Variants in SPTBN5 observed in about 807,000 individuals in gnomAD.
SPTBN5 encodes spectrin beta, non-erythrocytic 5.
A neutral mutation model predicts 477.6 loss-of-function variants in SPTBN5; 513 were observed. That is an observed-to-expected ratio of 1.07 (90% CI 1.00 to 1.16). The LOEUF (loss-of-function observed/expected upper bound fraction) is 1.16, where lower values mean the gene tolerates loss of function less well. Among genes scored for constraint, SPTBN5 ranks in the 50% most tolerant of loss-of-function variants. The pLI is 0.00. For synonymous variants in SPTBN5, 2,169 were observed against 2,011.7 expected (o/e 1.08, Z -2.09); for missense variants, 5,062 against 4,731.8 (o/e 1.07, Z -2.05).
intron 29 of SPTBN5, 69 bp from the exon 30 acceptor site, chr15:41,870,629 G>A: frequency 7.5e-7 from 1 of 1,326,566 alleles, no homozygotes; most frequent in South Asian, 1.2e-5. Flanking sequence ...CCTCCCGCTA[G>A]GTCTGGTCAG....
At position 41,878,536 on chromosome 15, in the gene SPTBN5, G is replaced by A. The variant is rs1286995724; in HGVS notation, c.3276C>T (p.Ala1092=). The A allele has an allele frequency of 1.2e-6, 2 of 1,612,788 alleles. No individual in the cohort carries two copies. Among genetic ancestry groups the A allele is most frequent in the Admixed American group, 3.3e-5 (2 of 59,936 alleles). ...TCTCAGCCTGGCGCCGGGCCCGTTG[G>A]GCCACTTGTTCCTGTACTTGCTTCA... ...GLLKQVQEQV[A]QRARRQAETQ... is the part of the protein sequence containing the mutation. The change falls in exon 17 of 68, where the codon GCC becomes GCT. Residue 1092 remains alanine (A), a synonymous_variant. Coordinates refer to ENST00000320955, the MANE Select transcript of SPTBN5 (RefSeq NM_016642.4).
rs756251862 is a variant in SPTBN5 at position 41,852,727 on chromosome 15, C to CAA, written c.10355_10356insTT (p.Ser3453CysfsTer14). The CAA allele has an allele frequency of 6.2e-7, 1 of 1,611,770 alleles. No homozygotes were observed. The highest frequency in any genetic ancestry group is 1.1e-5 in the South Asian group (1 of 90,996). On this transcript the variant is annotated frameshift_variant, in exon 61 of 68. Coordinates refer to ENST00000320955, the MANE Select transcript of SPTBN5 (RefSeq NM_016642.4). LOFTEE classifies it high-confidence loss of function. ...TGTGCAGCAGCAACTCCACATCTGA[C>CAA]ACTGAGTGCTGGGGAGAAGCATGTT...
rs890503 is a variant in SPTBN5, at chr15:41,858,690, G to A, written c.8138C>T (p.Thr2713Ile). 468,797 of 1,608,570 alleles carry A rather than the reference G, an allele frequency of 0.29. 71,204 individuals carry two copies. Among genetic ancestry groups the A allele is most frequent in the Middle Eastern group, 0.42 (2,521 of 6,056 alleles). ...CTGTAACTGTGCTGGCAGCATGGCT[G>A]TGTCCAGCAAACCCTCCTCCAAGGC... ...LVALEEGLLD[T>I]AMLPAQLQKQ... Residue 2713 changes from threonine (T) to isoleucine (I), a missense_variant, in exon 49 of 68, where the codon ACA (threonine) becomes ATA (isoleucine). Coordinates refer to ENST00000320955, the MANE Select transcript of SPTBN5 (RefSeq NM_016642.4).
chr15:41,874,356 T>C lies in SPTBN5; in HGVS notation c.4625A>G (p.His1542Arg), dbSNP rs1313328677. 2 of 1,613,758 alleles carry C rather than the reference T, an allele frequency of 1.2e-6. No homozygotes were observed. Among genetic ancestry groups the C allele is most frequent in the Non-Finnish European group, 1.7e-6 (2 of 1,179,880 alleles). The change falls in exon 24 of 68, where the codon CAT becomes CGT. Residue 1542 changes from histidine (H) to arginine (R), a missense_variant. Physicochemically the swap from His to Arg is conservative, Grantham distance 29. Coordinates refer to ENST00000320955, the MANE Select transcript of SPTBN5 (RefSeq NM_016642.4). ...CTCGGTATAGCTGGTGGGGCTGCCA[T>C]GGGGCATGTGCTCGGCTACCCAAGA... The part of the protein sequence containing the change: ...ELSWVAEHMP[H>R]GSPTSYTECL...
chr15:41,856,116 T>G (rs886563514), intron 53 of SPTBN5, among the ~76,000 whole-genome samples: 1 of 152,256 alleles, frequency 6.6e-6, no homozygotes, highest in Non-Finnish European at 1.5e-5. Context: ...TGTGAAGTAA[T>G]TGAGGTATAA....
Position 41,862,669 on chromosome 15 carries a change from G to A in SPTBN5, c.7264-9C>T, listed in dbSNP as rs753014764. Reference sequence around the variant, plus strand: ...ACTTCACGCTCTAGGGACTGCGGGGGAAGCCGGGGTCAGAGGCTGGGGCAG... The same window carrying A: ...ACTTCACGCTCTAGGGACTGCGGGGAAAGCCGGGGTCAGAGGCTGGGGCAG... On this transcript the variant is annotated splice_polypyrimidine_tract_variant and intron_variant, in intron 42 of 67. Coordinates refer to ENST00000320955, the MANE Select transcript of SPTBN5 (RefSeq NM_016642.4). The A allele has an allele frequency of 3.9e-6, 6 of 1,548,452 alleles. No individual in the cohort carries two copies. In the Admixed American group the frequency reaches 7.7e-5, roughly 20 times the overall value.
chr15:41,856,825 G>C (rs935356117), intron 52 of SPTBN5, 28 bp downstream of exon 52: 1 of 1,529,890 alleles, frequency 6.5e-7, no homozygotes, highest in African/African-American at 1.4e-5. Context: ...TCATGTGCGA[G>C]GCCAGCCCTC....
chr15:41,864,826 C>G (rs1045222495), intron 39 of SPTBN5, among the ~76,000 whole-genome samples: 2 of 152,246 alleles, frequency 1.3e-5, no homozygotes, highest in Admixed American at 1.3e-4. Context: ...GATCTCCTGC[C>G]TCTGGCTTCT....
At chr15:41,852,082 T>C in intron 62 of SPTBN5, 100 bp downstream of exon 62, 2 of 1,437,044 alleles carry the variant, frequency 1.4e-6, no homozygotes, top group South Asian at 2.8e-5. Flanking sequence ...CTCCCAGCAC[T>C]GGCTCCAGGG....
At chr15:41,852,505 G>T (rs1289329885) in intron 61 of SPTBN5, 129 bp downstream of exon 61, 4 of 1,308,340 alleles carry the variant, frequency 3.1e-6, no homozygotes, top group Non-Finnish European at 4.4e-6. Flanking sequence ...CACCACCGCA[G>T]CTGGCCAGGG....
chr15:41,873,419 G>A, intron 26 of SPTBN5, 73 bp downstream of exon 26: 2 of 1,144,420 alleles, frequency 1.7e-6, no homozygotes, highest in South Asian at 2.8e-5. Flanking sequence ...CTGAGAGAGG[G>A]AGGGTGACAG....
chr15:41,891,735 T>A (rs1200956749), intron 3 of SPTBN5, among the ~76,000 whole-genome samples: 1 of 152,166 alleles, frequency 6.6e-6, no homozygotes, highest in Non-Finnish European at 1.5e-5. Context: ...AGCGCCTGCA[T>A]AGAATGCCCA....
Position 41,867,581 on chromosome 15 carries a change from T to C in SPTBN5, c.6269A>G (p.Lys2090Arg). 6.2e-7 allele frequency: 1 copy of C among 1,613,874 alleles called. No homozygotes were observed. Among genetic ancestry groups the C allele is most frequent in the African/African-American group, 1.3e-5 (1 of 75,058 alleles). The change falls in exon 35 of 68, where the codon AAG (lysine) becomes AGG (arginine). Residue 2090 changes from lysine (K) to arginine (R), a missense_variant. Transcript: ENST00000320955. ...SVEEVEQLIR[K>R]HEVFLKVLTA... is the part of the protein sequence containing the mutation. ...CAGAACCTTCAGGAAGACCTCGTGC[T>C]TGCGAATCAACTGCTCTACCTCTTC...
In SPTBN5 at chr15:41,871,420, C is replaced by A; in HGVS notation, c.5402G>T (p.Gly1801Val). 6.5e-7 allele frequency: 1 copy of A among 1,542,078 alleles called. No homozygotes were observed. Among genetic ancestry groups the A allele is most frequent in the Non-Finnish European group, 8.7e-7 (1 of 1,142,962 alleles). ...ACGGACCATGGGGCCAGCACTGTGC[C>A]CACGCTCTAGCAGGCTCTCCGCCAG... The part of the protein sequence containing the change: ...RLLAESLLER[G>V]HSAGPMVRQR... Residue 1801 changes from glycine (G) to valine (V), a missense_variant, in exon 29 of 68, where the codon GGG becomes GTG. By Grantham distance (109) the Gly-to-Val change is moderately radical. Transcript: ENST00000320955.
Position 41,879,295 on chromosome 15 carries a change from C to T in SPTBN5, c.3147G>A (p.Glu1049=), listed in dbSNP as rs761073670. Residue 1049 remains glutamate, a synonymous_variant, in exon 16 of 68, where the codon GAG becomes GAA. Coordinates refer to ENST00000320955, the MANE Select transcript of SPTBN5 (RefSeq NM_016642.4). ...QLAQKKTLVL[E]RRVHFLQSVV... ...CACTTTGGAGGAAGTGGACCCTCCT[C>T]TCCAGCACCAGGGTCTTCTTCTGGG... The T allele has an allele frequency of 7.4e-6, 12 of 1,611,874 alleles. No individual in the cohort carries two copies. Among genetic ancestry groups the T allele is most frequent in the South Asian group, 1.1e-5 (1 of 91,082 alleles).
At chr15:41,872,794 C>A (rs894523034) in intron 26 of SPTBN5, among the ~76,000 whole-genome samples, 3 of 152,194 alleles carry the variant, frequency 2.0e-5, no homozygotes, top group African/African-American at 7.2e-5. Context: ...AAGAGAGAGG[C>A]AGAGTTAAAC....
chr15:41,871,096 A>G (rs960897253), intron 29 of SPTBN5, among the ~76,000 whole-genome samples: 24 of 152,228 alleles, frequency 1.6e-4, no homozygotes. Context: ...GGGGTAGCTC[A>G]GGGGAAGGCC....
intron 21 of SPTBN5, 72 bp from the exon 22 acceptor site, chr15:41,875,694 C>A: frequency 6.8e-7 from 1 of 1,471,680 alleles, no homozygotes; most frequent in Non-Finnish European, 9.1e-7. Flanking sequence ...GCAGGCTGGA[C>A]CTGGGTGGCA....
At position 41,866,412 on chromosome 15, in the gene SPTBN5, G is replaced by A; in HGVS notation, c.6562C>T (p.Leu2188=). 6.2e-7 allele frequency: 1 copy of A among 1,611,904 alleles called. No homozygotes were observed. Among genetic ancestry groups the A allele is most frequent in the Non-Finnish European group, 8.5e-7 (1 of 1,178,994 alleles). Residue 2188 remains leucine (L), a synonymous_variant, in exon 37 of 68, where the codon CTG becomes TTG. Transcript: ENST00000320955. ...GCCTCAAAGGCCTGGTGTTTCAGCA[G>A]GGGCTTCAGCTTATCTCTCAGGTCC... ...PGDLRDKLKP[L]LKHQAFEAEV... is the part of the protein sequence containing the mutation.
Sources: gnomAD v4.1 joint callset for allele counts (sites outside exome capture counted in the v4.1 genomes callset) on GRCh38, gnomAD v4.1.1 for gene constraint, MANE v1.5 for transcripts, NCBI Gene and HGNC (gene_info 2026-07-23, HGNC 2026-07-21) for gene names.